TRPA1: variants seen among roughly 807,000 people sequenced by gnomAD.
TRPA1 encodes ankyrin-like with transmembrane domains 1.
In TRPA1, 129 loss-of-function variants were observed where a neutral mutation model predicts 131.3. The observed-to-expected ratio is 0.98, with a 90% CI of 0.85 to 1.14. The LOEUF is 1.14. Ranked by LOEUF, TRPA1 falls within the 50% of genes most tolerant of loss-of-function variation. The pLI is 0.00. For missense variants in TRPA1, 1,304 were observed against 1,354.2 expected (o/e 0.96, Z 0.58); for synonymous variants, 441 against 451.7 (o/e 0.98, Z 0.30).
chr8:72,030,036 G>C (rs551506007), intron 23 of TRPA1, 67 bp from the exon 24 acceptor site: 1 of 1,400,468 alleles, frequency 7.1e-7, no homozygotes, highest in East Asian at 2.3e-5. Context: ...TGTAAGGTCT[G>C]TCTTAGTCCA....
At chr8:72,082,115 G>A in the TRPA1 span, among the ~76,000 whole-genome samples, 5 of 151,758 alleles carry the variant, frequency 3.3e-5, no homozygotes, top group Admixed American at 2.6e-4. Flanking sequence ...TTAATTCATC[G>A]GTAGATTGTT....
At chr8:72,032,890 A>G (rs1811884377) in intron 23 of TRPA1, among the ~76,000 whole-genome samples, 1 of 152,234 alleles carries the variant, frequency 6.6e-6, no homozygotes, top group Non-Finnish European at 1.5e-5. Context: ...ATTGTGTGGA[A>G]TATGTGCATG....
chr8:72,050,752 G>T (rs533846168), intron 15 of TRPA1, 26 bp downstream of exon 15: 2 of 1,467,286 alleles, frequency 1.4e-6, no homozygotes, highest in East Asian at 4.5e-5. Context: ...ATAAACCCGG[G>T]AAGAATTTTG....
At chr8:72,084,647 A>ATTTTTTTTT in the TRPA1 span, among the ~76,000 whole-genome samples, 5 of 104,986 alleles carry the variant, frequency 4.8e-5, no homozygotes, top group East Asian at 2.6e-4. Flanking sequence ...TAAAATGATA[A>ATTTTTTTTT]TTTTTTTTTT....
intron 9 of TRPA1, 39 bp downstream of exon 9, chr8:72,057,678 G>A (rs545129759): frequency 1.2e-5 from 18 of 1,460,878 alleles, no homozygotes; most frequent in Admixed American, 6.7e-5. Flanking sequence ...ACCAAATTGA[G>A]TGGCACTTCA....
rs756123837 is a variant in TRPA1 at position 72,063,459 on chromosome 8, T to C, written c.661+4A>G. The stretch of plus-strand genomic sequence containing the variant: ...GTATATAACATAGAAAAGCCTCAAC[T>C]CACCAAACCTTAGTATTATTTCCAT... On this transcript the variant is annotated splice_donor_region_variant and intron_variant, in intron 5 of 26. Transcript: ENST00000262209. The C allele has an allele frequency of 1.1e-5, 17 of 1,600,214 alleles. No homozygotes were observed. The highest frequency in any genetic ancestry group is 1.4e-5 in the Non-Finnish European group (16 of 1,167,720).
At chr8:72,033,859 C>A (rs1456896304) in intron 22 of TRPA1, 33 bp from the exon 23 acceptor site, 3 of 1,596,382 alleles carry the variant, frequency 1.9e-6, no homozygotes, top group Non-Finnish European at 2.6e-6. Flanking sequence ...AAATGAAATG[C>A]AAAGTTTCTA....
chr8:72,049,845 A>G (rs1585866649), intron 15 of TRPA1, among the ~76,000 whole-genome samples: 1 of 152,170 alleles, frequency 6.6e-6, no homozygotes, highest in Non-Finnish European at 1.5e-5. Flanking sequence ...CTTCTCTACT[A>G]TAAGGAAAGC....
intron 8 of TRPA1, 60 bp from the exon 9 acceptor site, chr8:72,057,876 G>A (rs1805712856): frequency 8.0e-7 from 1 of 1,253,014 alleles, no homozygotes; most frequent in Non-Finnish European, 1.2e-6. Flanking sequence ...ATAATATATT[G>A]TAATCTCTAA....
At chr8:72,063,411 C>G in intron 5 of TRPA1, 52 bp downstream of exon 5, 1 of 1,301,778 alleles carries the variant, frequency 7.7e-7, no homozygotes. Context: ...TTAATAGCAT[C>G]CACCAAAATA....
intron 3 of TRPA1, among the ~76,000 whole-genome samples, chr8:72,068,641 A>G (rs1585889635): frequency 6.6e-6 from 1 of 152,206 alleles, no homozygotes; most frequent in East Asian, 1.9e-4. Flanking sequence ...TGAAAACAAA[A>G]TTCCTTAGTC....
chr8:72,075,604 G>C (rs1806162732), upstream of TRPA1: 2 of 600,928 alleles, frequency 3.3e-6, no homozygotes, highest in Admixed American at 2.8e-5. Context: ...TCAGGCCCGC[G>C]CTACTTTTGT....
At chr8:72,029,751 G>C (rs1811740810) in intron 24 of TRPA1, 150 bp downstream of exon 24, 2 of 823,632 alleles carry the variant, frequency 2.4e-6, no homozygotes. Flanking sequence ...GATCAGGAGG[G>C]TAAATGGCAC....
At chr8:72,076,130 T>G (rs570957472), upstream of TRPA1, among the ~76,000 whole-genome samples, 1 of 152,264 alleles carries the variant, frequency 6.6e-6, no homozygotes, top group Admixed American at 6.5e-5. Flanking sequence ...AGCACTGGTT[T>G]GAGGGACTAG....
At chr8:72,076,373 C>T (rs1293373828), upstream of TRPA1, 2 of 152,218 alleles carry the variant, frequency 1.3e-5, no homozygotes, top group African/African-American at 2.4e-5. Flanking sequence ...TCTACTTTTA[C>T]GTACAGACAA....
intron 15 of TRPA1, among the ~76,000 whole-genome samples, chr8:72,049,565 A>C (rs535814667): frequency 6.6e-6 from 1 of 152,008 alleles, no homozygotes; most frequent in South Asian, 2.1e-4. Context: ...TCAAATCCCA[A>C]CTTTCCCAGA....
intron 17 of TRPA1, among the ~76,000 whole-genome samples, 177 bp from the exon 18 acceptor site, chr8:72,039,974 T>G (rs780174399): frequency 1.2e-3 from 187 of 152,242 alleles, no homozygotes; most frequent in Middle Eastern, 3.4e-3. Context: ...AAATTAGAGA[T>G]AACCATTTTG....
At chr8:72,065,839 C>T (rs924432345) in intron 3 of TRPA1, among the ~76,000 whole-genome samples, 3 of 152,098 alleles carry the variant, frequency 2.0e-5, no homozygotes, top group African/African-American at 7.2e-5. Flanking sequence ...GTTATCATAG[C>T]TTCACTTAAT....
the TRPA1 span, among the ~76,000 whole-genome samples, chr8:72,083,855 G>T: frequency 6.6e-6 from 1 of 152,156 alleles, no homozygotes; most frequent in African/African-American, 2.4e-5. Flanking sequence ...TTTCTGTTCA[G>T]ATATTTTTAA....
Sources: gnomAD v4.1 joint callset for allele counts (sites outside exome capture counted in the v4.1 genomes callset) on GRCh38, gnomAD v4.1.1 for gene constraint, MANE v1.5 for transcripts, NCBI Gene and HGNC (gene_info 2026-07-23, HGNC 2026-07-21) for gene names.